Variants in DENND6B observed in about 807,000 individuals in gnomAD.
DENND6B encodes the protein protein DENND6B.
In DENND6B, 73 loss-of-function variants were observed where a neutral mutation model predicts 85.1. The observed-to-expected ratio is 0.86, with a 90% CI of 0.71 to 1.04. The LOEUF is 1.04. Ranked by LOEUF, DENND6B falls within the 50% of genes least tolerant of loss-of-function variation. DENND6B has a pLI of 0.00. For synonymous variants in DENND6B, 357 were observed against 329.3 expected (o/e 1.08, Z -0.91); for missense variants, 715 against 785.8 (o/e 0.91, Z 1.08).
At chr22:50,314,946 G>C (rs769651017) in intron 9 of DENND6B, 25 bp from the exon 10 acceptor site, 4 of 1,606,000 alleles carry the variant, frequency 2.5e-6, no homozygotes, top group Admixed American at 1.7e-5. Flanking sequence ...GAAGGTCGGG[G>C]AGGTCAGGCA....
Position 50,317,388 on chromosome 22 carries a change from G to A in DENND6B, c.373-15C>T, listed in dbSNP as rs781010421. On this transcript the variant is annotated splice_polypyrimidine_tract_variant and intron_variant, in intron 4 of 19. Transcript: ENST00000413817. ...GCCGGCTCCCTCTGCAAGGAGCATG[G>A]TGTTAGCCAGCCACGCCCCACCCGG... 6.2e-7 allele frequency: 1 copy of A among 1,612,448 alleles called. No individual in the cohort carries two copies. The highest frequency in any genetic ancestry group is 1.1e-5 in the South Asian group (1 of 91,056).
intron 1 of DENND6B, chr22:50,319,249 G>C: frequency 1.0e-6 from 1 of 985,344 alleles, no homozygotes; most frequent in Non-Finnish European, 1.2e-6. Context: ...CTCTGGCTGT[G>C]ATGTCTGGCT....
intron 16 of DENND6B, 100 bp downstream of exon 16, chr22:50,313,346 C>G: frequency 7.0e-7 from 1 of 1,431,558 alleles, no homozygotes; most frequent in Non-Finnish European, 9.3e-7. Context: ...GCCTGTGGCT[C>G]CTGCCCAGCC....
At chr22:50,316,639 C>T in intron 5 of DENND6B, 164 bp from the exon 6 acceptor site, 2 of 1,526,422 alleles carry the variant, frequency 1.3e-6, no homozygotes, top group Non-Finnish European at 1.8e-6. Context: ...GACTTGGACC[C>T]CAGAATTATT....
chr22:50,312,606 G>T lies in DENND6B; in HGVS notation c.1477C>A (p.His493Asn). 6.3e-7 allele frequency: 1 copy of T among 1,580,880 alleles called. No homozygotes were observed. Among genetic ancestry groups the T allele is most frequent in the East Asian group, 2.3e-5 (1 of 43,186 alleles). ...CGCTGCCGGTACCAGCCATCAAAAT[G>T]GGGGGACTTGAAAAACCGCCTGTGG... ...GLYRRFFKSP[H>N]FDGWYRQRHK... is the part of the protein sequence containing the mutation. Residue 493 changes from histidine (H) to asparagine (N), a missense_variant, in exon 18 of 20, where the codon CAT (histidine) becomes AAT (asparagine). Physicochemically the swap from His to Asn is moderately conservative, Grantham distance 68 (BLOSUM62 1). Transcript: ENST00000413817.
At chr22:50,317,076 C>CGAGGACAGGGTTGGGGGGT in intron 5 of DENND6B, 1 of 208,072 alleles carries the variant, frequency 4.8e-6, no homozygotes, top group Non-Finnish European at 8.7e-6. Flanking sequence ...TGGGGGGGGG[C>CGAGGACAGGGTTGGGGGGT]GGCGAGGACA....
intron 6 of DENND6B, 58 bp downstream of exon 6, chr22:50,316,312 A>G (rs2041813362): frequency 1.9e-6 from 3 of 1,562,778 alleles, no homozygotes; most frequent in South Asian, 2.3e-5. Flanking sequence ...TGCCGAGCCC[A>G]CCAGGGGCCA....
chr22:50,314,389 G>A lies in DENND6B; in HGVS notation c.1072+11C>T, dbSNP rs200412569. ...TGAGCAGCACCCCCTGCACCTCACC[G>A]GGAGCCTGACCTGACATCTTGGGCT... On this transcript the variant is annotated intron_variant, in intron 12 of 19. Coordinates refer to ENST00000413817, the MANE Select transcript of DENND6B (RefSeq NM_001001794.4). The A allele has an allele frequency of 1.9e-3, 3,034 of 1,563,270 alleles. 1 individual carries two copies. The highest frequency in any genetic ancestry group is 2.4e-3 in the Non-Finnish European group (2,719 of 1,153,954).
intron 1 of DENND6B, chr22:50,319,448 G>T: frequency 1.0e-6 from 1 of 985,338 alleles, no homozygotes; most frequent in South Asian, 4.7e-5. Context: ...CTCTTGCCCA[G>T]ACTGCAGTTG....
Position 50,317,810 on chromosome 22 carries a change from C to T in DENND6B, c.372+98G>A. 3.2e-6 allele frequency: 4 copies of T among 1,252,502 alleles called. No individual in the cohort carries two copies. In the South Asian group the frequency reaches 4.4e-5, roughly 14 times the overall value. 77.6% of individuals were successfully genotyped at this position (1,252,502 alleles called of 1,614,324 possible). A position where few individuals can be genotyped will look rare whatever the true frequency, so the allele number is the denominator to read the frequency against. On this transcript the variant is annotated intron_variant, in intron 4 of 19. Transcript: ENST00000413817. ...CCAGCTCCTCTCCTGCCACACAGGG[C>T]CCAGGCACTCTGAAGGGGCTTCTCC... is the stretch of plus-strand genomic sequence containing the variant.
At position 50,326,882 on chromosome 22, in the gene DENND6B, G is replaced by T; in HGVS notation, c.107C>A (p.Ala36Glu). Residue 36 changes from alanine to glutamate, a missense_variant, in exon 1 of 20, where the codon GCG becomes GAG. Coordinates refer to ENST00000413817, the MANE Select transcript of DENND6B (RefSeq NM_001001794.4). ...RAARTPAAPW[A>E]RFSAWLECVC... is the part of the protein sequence containing the mutation. The stretch of plus-strand genomic sequence containing the variant: ...ACACTCCAGCCAGGCGGAGAAGCGC[G>T]CCCAGGGCGCCGCCGGGGTCCGCGC... 1.4e-6 allele frequency: 2 copies of T among 1,415,710 alleles called. No individual in the cohort carries two copies. The highest frequency in any genetic ancestry group is 1.8e-6 in the Non-Finnish European group (2 of 1,085,224). 87.7% of individuals were successfully genotyped at this position (1,415,710 alleles called of 1,614,324 possible).
chr22:50,315,717 A>G lies in DENND6B; in HGVS notation c.755T>C (p.Phe252Ser). 6.4e-7 allele frequency: 1 copy of G among 1,567,752 alleles called. No homozygotes were observed. The highest frequency in any genetic ancestry group is 8.6e-7 in the Non-Finnish European group (1 of 1,157,990). The change falls in exon 9 of 20, where the codon TTC becomes TCC. Residue 252 changes from phenylalanine (F) to serine (S), a missense_variant. Transcript: ENST00000413817. ...VLASVHELDL[F>S]RCFRPVLTHM... ...TGCAGAACCCTAGGGGGCTCACCTG[A>G]ACAGGTCCAGCTCGTGGACGCTAGC...
intron 1 of DENND6B, 47 bp downstream of exon 1, chr22:50,326,765 G>A (rs1441289641): frequency 2.3e-6 from 3 of 1,321,974 alleles, no homozygotes; most frequent in Non-Finnish European, 2.9e-6. Flanking sequence ...GGCCCCGAGA[G>A]GCGCAGCCCT....
At chr22:50,312,307 C>G (rs1275134627) in intron 19 of DENND6B, 36 bp downstream of exon 19, 1 of 1,611,042 alleles carries the variant, frequency 6.2e-7, no homozygotes, top group Admixed American at 1.7e-5. Context: ...CCGTGCCAGG[C>G]TGGTGGCGCT....
chr22:50,317,830 T>G, intron 4 of DENND6B, 78 bp downstream of exon 4: 1 of 1,421,280 alleles, frequency 7.0e-7, no homozygotes. Flanking sequence ...CTGAAGGGGC[T>G]TCTCCTACCA....
Position 50,309,209 on chromosome 22 carries a change from C to T in DENND6B, c.*2930G>A, listed in dbSNP as rs910761213. On this transcript the variant is annotated 3_prime_UTR_variant, in exon 20 of 20. Transcript: ENST00000413817. Reference sequence around the variant, plus strand: ...GCCCCACTCCAGACCTGCTCCCAGCCCTTCCCACCCTCTAGGTTCTGTGGT... The same window carrying T: ...GCCCCACTCCAGACCTGCTCCCAGCTCTTCCCACCCTCTAGGTTCTGTGGT... 6.6e-6 allele frequency: 1 copy of T among 152,248 alleles called. No homozygotes were observed. The highest frequency in any genetic ancestry group is 6.5e-5 in the Admixed American group (1 of 15,278). The allele number at this position is 152,248 out of a possible 1,614,324, so 9.4% of individuals were successfully genotyped here. A position where few individuals can be genotyped will look rare whatever the true frequency, so the allele number is the denominator to read the frequency against.
rs2041977131 is a variant in DENND6B, at chr22:50,319,577, A to AGC, written c.178-575_178-574insGC. 5 of 941,952 alleles carry AGC rather than the reference A, an allele frequency of 5.3e-6. No individual in the cohort carries two copies. In the African/African-American group the frequency reaches 8.8e-5, roughly 17 times the overall value. 58.3% of individuals were successfully genotyped at this position (941,952 alleles called of 1,614,324 possible). Reference sequence around the variant, plus strand: ...CGGGGCTCCACCTGGCCGGCCCTCCATCTCCCTCACCACCCGCCAAGCCAG... The same window carrying AGC: ...CGGGGCTCCACCTGGCCGGCCCTCCAGCTCTCCCTCACCACCCGCCAAGCCAG... On this transcript the variant is annotated intron_variant, in intron 1 of 19. Transcript: ENST00000413817.
At chr22:50,318,505 T>C (rs968075247) in intron 3 of DENND6B, among the ~76,000 whole-genome samples, 2 of 152,174 alleles carry the variant, frequency 1.3e-5, no homozygotes, top group East Asian at 1.9e-4. Flanking sequence ...CTGCTTGAGA[T>C]AGAAAACCAG....
chr22:50,315,774 G>C lies in DENND6B; in HGVS notation c.703-5C>G, dbSNP rs76130496. The C allele has an allele frequency of 1.2e-3, 1,764 of 1,470,778 alleles. 19 individuals are homozygous for C. The African/African-American group carries it at 0.036, about 30-fold the overall frequency. 91.1% of individuals were successfully genotyped at this position (1,470,778 alleles called of 1,614,324 possible). On this transcript the variant is annotated splice_region_variant and splice_polypyrimidine_tract_variant and intron_variant, in intron 8 of 19. Transcript: ENST00000413817. ...CACTGGGGCTGGCAGCAGGTTCTGA[G>C]AGGAGGAGAGTGAAGGTCAGGGCCA...
Sources: gnomAD v4.1 joint callset for allele counts (sites outside exome capture counted in the v4.1 genomes callset) on GRCh38, gnomAD v4.1.1 for gene constraint, MANE v1.5 for transcripts, NCBI Gene and HGNC (gene_info 2026-07-23, HGNC 2026-07-21) for gene names.